Variants in ZCCHC17 observed in about 807,000 individuals in gnomAD.
The protein encoded by ZCCHC17 is zinc finger CCHC-type containing 17.
ZCCHC17 carries 18 observed loss-of-function variants against 30.6 expected under a neutral mutation model. The observed-to-expected ratio is 0.59, with a 90% confidence interval of 0.41 to 0.87. The LOEUF is 0.87. ZCCHC17 is among the 40% of genes least tolerant of loss of function. The pLI is 0.00. For missense variants in ZCCHC17, 263 were observed against 284.2 expected (o/e 0.93, Z 0.54); for synonymous variants, 88 against 92.4 (o/e 0.95, Z 0.27).
intron 3 of ZCCHC17, among the ~76,000 whole-genome samples, chr1:31,326,649 C>T (rs1638357497): frequency 6.6e-6 from 1 of 152,160 alleles, no homozygotes; most frequent in Admixed American, 6.6e-5. Flanking sequence ...ATCTTCAACT[C>T]ATTTTATCCA....
chr1:31,303,273 C>A (rs1039898685), intron 1 of ZCCHC17, among the ~76,000 whole-genome samples: 2 of 152,088 alleles, frequency 1.3e-5, no homozygotes, highest in African/African-American at 4.8e-5. Flanking sequence ...CAGAGTGAGA[C>A]CCTGCCTCAA....
At chr1:31,356,535 TGAATAGATA>T (rs1639649803) in intron 7 of ZCCHC17, among the ~76,000 whole-genome samples, 2 of 152,346 alleles carry the variant, frequency 1.3e-5, no homozygotes, top group African/African-American at 4.8e-5. Flanking sequence ...TAACTACCTG[TGAATAGATA>T]GACTTCATAA....
intron 7 of ZCCHC17, 98 bp from the exon 8 acceptor site, chr1:31,363,934 A>G: frequency 6.7e-7 from 1 of 1,501,288 alleles, no homozygotes; most frequent in Non-Finnish European, 8.9e-7. Context: ...AAGTACTAGG[A>G]TTACAGGTGT....
intron 5 of ZCCHC17, among the ~76,000 whole-genome samples, chr1:31,341,313 G>A (rs1034484430): frequency 2.0e-5 from 3 of 152,030 alleles, no homozygotes; most frequent in Non-Finnish European, 4.4e-5. Context: ...GTTAGTGTTG[G>A]GAAAAGGAAA....
intron 7 of ZCCHC17, among the ~76,000 whole-genome samples, chr1:31,351,354 A>G (rs1639463544): frequency 6.6e-6 from 1 of 152,008 alleles, no homozygotes; most frequent in Non-Finnish European, 1.5e-5. Flanking sequence ...CAGTCAGACT[A>G]TTGAACGCTG....
intron 5 of ZCCHC17, among the ~76,000 whole-genome samples, chr1:31,343,747 A>G (rs1024194518): frequency 6.8e-6 from 1 of 147,062 alleles, no homozygotes; most frequent in African/African-American, 2.5e-5. Context: ...TGTAGTGATC[A>G]TAGCTCACTA....
intron 2 of ZCCHC17, among the ~76,000 whole-genome samples, chr1:31,317,684 G>C (rs113161443): frequency 6.6e-6 from 1 of 151,950 alleles, no homozygotes; most frequent in Non-Finnish European, 1.5e-5. Context: ...ATCCAGGCTG[G>C]ATTCAACTCC....
At chr1:31,305,171 C>T (rs1646420765) in intron 1 of ZCCHC17, among the ~76,000 whole-genome samples, 1 of 152,214 alleles carries the variant, frequency 6.6e-6, no homozygotes. Context: ...GGGGGTTCTA[C>T]TCCCTCAGCC....
intron 3 of ZCCHC17, among the ~76,000 whole-genome samples, chr1:31,324,300 C>T (rs936941101): frequency 2.0e-5 from 3 of 152,208 alleles, no homozygotes; most frequent in Non-Finnish European, 4.4e-5. Flanking sequence ...TAGCAAGACC[C>T]CACTGATGGC....
intron 2 of ZCCHC17, chr1:31,318,275 T>G (rs780903792): frequency 6.7e-6 from 10 of 1,490,874 alleles, no homozygotes; most frequent in Non-Finnish European, 9.0e-6. Context: ...AAATAATCAT[T>G]TAGTGTTAAA....
chr1:31,339,062 T>C lies in ZCCHC17; in HGVS notation c.317+14T>C. On this transcript the variant is annotated intron_variant, in intron 5 of 7. Transcript: ENST00000344147. ...TGTTATCATTGAGTAAGTAAAAGGTTTGGAAAGGTGAAAATTCTTCTGCCT... is the reference window on the plus strand; with the variant it reads ...TGTTATCATTGAGTAAGTAAAAGGTCTGGAAAGGTGAAAATTCTTCTGCCT... 6.3e-7 allele frequency: 1 copy of C among 1,584,978 alleles called. No individual in the cohort carries two copies. The highest frequency in any genetic ancestry group is 8.6e-7 in the Non-Finnish European group (1 of 1,167,710).
Position 31,364,271 on chromosome 1 carries a change from TAGTG to T in ZCCHC17, c.*81_*84del, listed in dbSNP as rs1640047587. 7.3e-6 allele frequency: 11 copies of T among 1,510,226 alleles called. No homozygotes were observed. The highest frequency in any genetic ancestry group is 7.3e-5 in the East Asian group (3 of 41,198). The allele number at this position is 1,510,226 out of a possible 1,614,324, so 93.6% of individuals were successfully genotyped here. ...CCTTGAGACTCCTGGAAAGACTCAA[TAGTG>T]AGAATATAGCCTCCCACCCCATTAA... On this transcript the variant is annotated 3_prime_UTR_variant, in exon 8 of 8. Coordinates refer to ENST00000344147, the MANE Select transcript of ZCCHC17 (RefSeq NM_016505.4).
In ZCCHC17 at chr1:31,311,818, T is replaced by TC. The variant is rs200655591; in HGVS notation, c.66+1661dup. Among the ~76,000 whole-genome samples the TC allele has an allele frequency of 3.3e-4, 51 of 152,280 alleles. No individual in the cohort carries two copies. The East Asian group carries it at 9.5e-3, about 28-fold the overall frequency. ...TACCAAAGTTCATGTTGAACTTTAGTCCCCCCCGTGGGGGTATTAAGAGGT... is the reference window on the plus strand; with the variant it reads ...TACCAAAGTTCATGTTGAACTTTAGTCCCCCCCCGTGGGGGTATTAAGAGGT... On this transcript the variant is annotated intron_variant, in intron 2 of 7. Coordinates refer to ENST00000344147, the MANE Select transcript of ZCCHC17 (RefSeq NM_016505.4).
chr1:31,340,632 A>G (rs1360326822), intron 5 of ZCCHC17, among the ~76,000 whole-genome samples: 1 of 152,088 alleles, frequency 6.6e-6, no homozygotes, highest in Admixed American at 6.6e-5. Context: ...AGGGTTTATT[A>G]ACTGTTTTTA....
chr1:31,356,083 A>G (rs1395034067), intron 7 of ZCCHC17, among the ~76,000 whole-genome samples: 1 of 152,216 alleles, frequency 6.6e-6, no homozygotes, highest in Non-Finnish European at 1.5e-5. Flanking sequence ...AAGGGCATAT[A>G]TGATAGTAAC....
chr1:31,364,124 A>C lies in ZCCHC17; in HGVS notation c.657A>C (p.Thr219=). 1 of 1,613,986 alleles carries C rather than the reference A, an allele frequency of 6.2e-7. No homozygotes were observed. Among genetic ancestry groups the C allele is most frequent in the Non-Finnish European group, 8.5e-7 (1 of 1,179,912 alleles). ...ESDTGKRARH[T]SKDSKAAKKK... is the part of the protein sequence containing the mutation. ...ATACAGGCAAGAGGGCAAGGCACAC[A>C]TCAAAAGACAGCAAGGCAGCAAAGA... The change falls in exon 8 of 8, where the codon ACA becomes ACC. Residue 219 remains threonine, a synonymous_variant. Coordinates refer to ENST00000344147, the MANE Select transcript of ZCCHC17 (RefSeq NM_016505.4).
chr1:31,320,527 TA>T (rs1308070621), intron 3 of ZCCHC17, among the ~76,000 whole-genome samples: 2 of 152,240 alleles, frequency 1.3e-5, no homozygotes, highest in African/African-American at 2.4e-5. Flanking sequence ...TTTGTCTCTG[TA>T]TATTTGCTTA....
rs75171038 is a variant in ZCCHC17, at chr1:31,326,832, A to C, written c.124+7666A>C. ...TATAGGTTTATTGGATAACTTGAGC[A>C]ATTGACTTCCTTACAGTGTATCTTA... On this transcript the variant is annotated intron_variant, in intron 3 of 7. Transcript: ENST00000344147. 5.8e-3 allele frequency among the ~76,000 whole-genome samples: 883 copies of C among 152,262 alleles called. 71 individuals carry two copies. In the East Asian group the frequency reaches 0.14, roughly 25 times the overall value.
At chr1:31,325,377 TC>T (rs1440530012) in intron 3 of ZCCHC17, among the ~76,000 whole-genome samples, 2 of 152,220 alleles carry the variant, frequency 1.3e-5, no homozygotes, top group Non-Finnish European at 2.9e-5. Flanking sequence ...ATCCAAGGGC[TC>T]CCTGAGCCAG....
Sources: allele counts gnomAD v4.1 joint callset (sites outside exome capture counted in the v4.1 genomes callset), GRCh38; gene constraint gnomAD v4.1.1; transcripts MANE v1.5; gene names NCBI Gene and HGNC (gene_info 2026-07-23, HGNC 2026-07-21).